Variants in TSPAN18 observed in about 807,000 individuals in gnomAD.
TSPAN18 encodes the protein tetraspanin-18.
A neutral mutation model predicts 27.3 loss-of-function variants in TSPAN18; 14 were observed. The observed-to-expected ratio is 0.51, with a 90% CI of 0.34 to 0.80. The LOEUF (loss-of-function observed/expected upper bound fraction) is 0.80, where lower values mean the gene tolerates loss of function less well. Ranked by LOEUF, TSPAN18 falls within the 30% of genes least tolerant of loss-of-function variation. The pLI is 0.01. For synonymous variants in TSPAN18, 143 were observed against 136.5 expected (o/e 1.05, Z -0.33); for missense variants, 268 against 323.9 (o/e 0.83, Z 1.32).
chr11:44,764,275 C>T (rs539684751), intron 1 of TSPAN18, among the ~76,000 whole-genome samples, 151 bp from the exon 2 acceptor site: 1 of 152,206 alleles, frequency 6.6e-6, no homozygotes, highest in Non-Finnish European at 1.5e-5. Context: ...CAAACCATAT[C>T]ACCAGTCATG....
intron 2 of TSPAN18, among the ~76,000 whole-genome samples, chr11:44,859,911 G>C (rs1857832221): frequency 6.6e-6 from 1 of 152,142 alleles, no homozygotes; most frequent in South Asian, 2.1e-4. Flanking sequence ...AGCATCCCAG[G>C]AATGCATTTT....
chr11:44,793,497 T>C (rs1040435875), intron 2 of TSPAN18, among the ~76,000 whole-genome samples: 1 of 152,148 alleles, frequency 6.6e-6, no homozygotes, highest in African/African-American at 2.4e-5. Flanking sequence ...AGTGCTGAAG[T>C]CAGGATGGTC....
intron 3 of TSPAN18, among the ~76,000 whole-genome samples, chr11:44,865,054 T>G (rs1051585554): frequency 2.0e-5 from 3 of 152,226 alleles, no homozygotes; most frequent in Non-Finnish European, 2.9e-5. Context: ...TACCAATCTC[T>G]TGGCTTGTTT....
intron 2 of TSPAN18, among the ~76,000 whole-genome samples, chr11:44,774,473 T>G (rs1855759176): frequency 6.6e-6 from 1 of 152,238 alleles, no homozygotes; most frequent in Non-Finnish European, 1.5e-5. Flanking sequence ...TCCAGGCTCC[T>G]GACCTCAAAA....
intron 2 of TSPAN18, among the ~76,000 whole-genome samples, chr11:44,818,743 C>A (rs1016059802): frequency 7.9e-5 from 12 of 152,106 alleles, no homozygotes; most frequent in Non-Finnish European, 1.5e-4. Flanking sequence ...GTGCCAGGCC[C>A]TACATAGCAA....
In TSPAN18 at chr11:44,774,402, T is replaced by A. The variant is rs561615882; in HGVS notation, c.-153+9890T>A. On this transcript the variant is annotated intron_variant, in intron 2 of 9. Transcript: ENST00000520358. ...CTTCTCTTAGTAAATGCAGAGGAAG[T>A]GATGGCAGGTGGCCCACAGGCCTGG... Among the ~76,000 whole-genome samples the A allele has an allele frequency of 1.4e-4, 22 of 152,288 alleles. 1 individual carries two copies. The South Asian group carries it at 1.7e-3, about 11-fold the overall frequency.
At chr11:44,737,704 A>G (rs1467934596) in intron 1 of TSPAN18, among the ~76,000 whole-genome samples, 1 of 152,024 alleles carries the variant, frequency 6.6e-6, no homozygotes, top group Admixed American at 6.6e-5. Context: ...GTTGTGTTCA[A>G]AAGGCTTTCA....
chr11:44,739,856 C>T (rs890591440), intron 1 of TSPAN18, among the ~76,000 whole-genome samples: 6 of 152,134 alleles, frequency 3.9e-5, no homozygotes, highest in Non-Finnish European at 7.3e-5. Context: ...TTGGAGGAAC[C>T]GGAGGGAACA....
intron 8 of TSPAN18, among the ~76,000 whole-genome samples, chr11:44,924,448 G>T (rs1004700203): frequency 6.6e-6 from 1 of 152,176 alleles, no homozygotes; most frequent in African/African-American, 2.4e-5. Context: ...TAGGCAACCA[G>T]GCCCTAAGGA....
At chr11:44,833,676 G>A (rs1014560817) in intron 2 of TSPAN18, among the ~76,000 whole-genome samples, 5 of 152,138 alleles carry the variant, frequency 3.3e-5, no homozygotes, top group Non-Finnish European at 7.3e-5. Flanking sequence ...TGGCTGGGCA[G>A]GGGAGAGGGA....
At chr11:44,828,829 G>A (rs889591836) in intron 2 of TSPAN18, among the ~76,000 whole-genome samples, 2 of 151,928 alleles carry the variant, frequency 1.3e-5, no homozygotes, top group African/African-American at 4.8e-5. Context: ...TCAATATCCA[G>A]CCCATCCCCA....
intron 3 of TSPAN18, among the ~76,000 whole-genome samples, chr11:44,883,040 C>T (rs1858540275): frequency 6.6e-6 from 1 of 152,256 alleles, no homozygotes; most frequent in South Asian, 2.1e-4. Flanking sequence ...ACTGTACCTG[C>T]GACCTCCCCT....
At chr11:44,884,470 C>T (rs995761929) in intron 3 of TSPAN18, among the ~76,000 whole-genome samples, 2 of 152,200 alleles carry the variant, frequency 1.3e-5, no homozygotes, top group African/African-American at 4.8e-5. Context: ...CCTCGATGGG[C>T]GATCAGCTCG....
chr11:44,860,371 C>T lies in TSPAN18; in HGVS notation c.-109C>T, dbSNP rs1051474469. On this transcript the variant is annotated 5_prime_UTR_variant, in exon 3 of 10. Coordinates refer to ENST00000520358, the MANE Select transcript of TSPAN18 (RefSeq NM_130783.5). Reference sequence around the variant, plus strand: ...ACCCTCAAGCTTCAGGTGAGCTGAGCTTCTAACACTACCATCAAAGCAACT... The same window carrying T: ...ACCCTCAAGCTTCAGGTGAGCTGAGTTTCTAACACTACCATCAAAGCAACT... The T allele has an allele frequency of 1.3e-5, 2 of 152,226 alleles. No homozygotes were observed. Among genetic ancestry groups the T allele is most frequent in the African/African-American group, 4.8e-5 (2 of 41,464 alleles). 9.4% of individuals were successfully genotyped at this position (152,226 alleles called of 1,614,324 possible).
intron 2 of TSPAN18, among the ~76,000 whole-genome samples, chr11:44,825,329 T>A (rs1360196402): frequency 1.3e-5 from 2 of 152,186 alleles, no homozygotes; most frequent in Non-Finnish European, 2.9e-5. Context: ...GAGGGCTGAC[T>A]TTTTCCCCAT....
rs373079870 is a variant in TSPAN18, at chr11:44,930,832, C to T, written c.*1654C>T. Reference sequence around the variant, plus strand: ...GATGGAAGGAGCAGTGTGATGTCTGCTCTCTTCTCTCCCCTCTGTCCCTCT... The same window carrying T: ...GATGGAAGGAGCAGTGTGATGTCTGTTCTCTTCTCTCCCCTCTGTCCCTCT... On this transcript the variant is annotated 3_prime_UTR_variant, in exon 10 of 10. Transcript: ENST00000520358. 7 of 493,760 alleles carry T rather than the reference C, an allele frequency of 1.4e-5. No homozygotes were observed. The highest frequency in any genetic ancestry group is 1.2e-4 in the African/African-American group (6 of 50,886). 30.6% of individuals were successfully genotyped at this position (493,760 alleles called of 1,614,324 possible).
rs745856289 is a variant in TSPAN18, at chr11:44,727,077, GGCCCCGGCCCCGGCCCC to G, written c.-448_-432del. Reference sequence around the variant, plus strand: ...CAGCCCCGGCCCCGGCCCCAGCCCCGGCCCCGGCCCCGGCCCCGGCCCCGGCCCCGGTCCCGGCCCCG... The same window carrying G: ...CAGCCCCGGCCCCGGCCCCAGCCCCGGGCCCCGGCCCCGGTCCCGGCCCCG... On this transcript the variant is annotated 5_prime_UTR_variant, in exon 1 of 10. Transcript: ENST00000520358. 95,985 of 122,594 alleles carry G rather than the reference GGCCCCGGCCCCGGCCCC, an allele frequency of 0.78. 34,790 individuals carry two copies. The highest frequency in any genetic ancestry group is 0.86 in the Non-Finnish European group (54,236 of 63,318). 7.6% of individuals were successfully genotyped at this position (122,594 alleles called of 1,614,324 possible).
At chr11:44,874,428 G>C (rs1332462088) in intron 3 of TSPAN18, among the ~76,000 whole-genome samples, 1 of 152,184 alleles carries the variant, frequency 6.6e-6, no homozygotes, top group East Asian at 1.9e-4. Context: ...GGCACTCGAT[G>C]TCATTTAGCC....
intron 2 of TSPAN18, among the ~76,000 whole-genome samples, chr11:44,808,895 G>A (rs1419949211): frequency 3.3e-5 from 5 of 152,078 alleles, no homozygotes; most frequent in Admixed American, 2.6e-4. Context: ...GGGTCTATGC[G>A]GTTCTCAGGT....
Sources: allele counts gnomAD v4.1 joint callset (sites outside exome capture counted in the v4.1 genomes callset), GRCh38; gene constraint gnomAD v4.1.1; transcripts MANE v1.5; gene names NCBI Gene and HGNC (gene_info 2026-07-23, HGNC 2026-07-21).